RXRA: variants seen among roughly 807,000 people sequenced by gnomAD.
RXRA encodes retinoic acid receptor RXR-alpha.
In RXRA, 5 loss-of-function variants were observed where a neutral mutation model predicts 44.5. The ratio of observed to expected loss-of-function variants is 0.11; its 90% CI spans 0.06 to 0.24. The LOEUF (loss-of-function observed/expected upper bound fraction) is 0.24. Ranked by LOEUF, RXRA falls within the 10% of genes least tolerant of loss-of-function variation. The pLI is 1.00. For missense variants in RXRA, 412 were observed against 646.5 expected (o/e 0.64, Z 3.93); for synonymous variants, 291 against 271.4 (o/e 1.07, Z -0.71).
At chr9:134,367,006 G>A (rs1830422420) in intron 1 of RXRA, among the ~76,000 whole-genome samples, 1 of 152,168 alleles carries the variant, frequency 6.6e-6, no homozygotes, top group South Asian at 2.1e-4. Flanking sequence ...CCCAGCACCA[G>A]GCTTATTATC....
At position 134,426,901 on chromosome 9, in the gene RXRA, A is replaced by G. The variant is rs1369830640; in HGVS notation, c.911-2207A>G. The G allele has an allele frequency of 2.0e-6, 2 of 985,128 alleles. No individual in the cohort carries two copies. Among genetic ancestry groups the G allele is most frequent in the African/African-American group, 1.7e-5 (1 of 57,176 alleles). The allele number at this position is 985,128 out of a possible 1,614,324, so 61.0% of individuals were successfully genotyped here. On this transcript the variant is annotated intron_variant, in intron 6 of 9. Coordinates refer to ENST00000481739, the MANE Select transcript of RXRA (RefSeq NM_002957.6). The surrounding 1 kb of genome is among the most constrained non-coding windows in gnomAD (Gnocchi z 4.6). ...CTGTCCACACTGGGCCTGGTGTGGG[A>G]AGGGAGGGAGAGCCCTTTCCTAGGA...
chr9:134,388,436 C>T (rs926500081), intron 1 of RXRA, among the ~76,000 whole-genome samples: 2 of 152,206 alleles, frequency 1.3e-5, no homozygotes, highest in African/African-American at 4.8e-5. Context: ...TCTGCTCTCA[C>T]GCAGGAGTGG....
rs760589666 is a variant in RXRA, at chr9:134,436,479, C to G, written c.1254C>G (p.Leu418=). Residue 418 remains leucine (L), a synonymous_variant, in exon 10 of 10, where the codon CTC becomes CTG. Transcript: ENST00000481739. The stretch of plus-strand genomic sequence containing the variant: ...CTGTTCCCTGCAGGTTCGCTAAGCT[C>G]TTGCTCCGCCTGCCGGCTCTGCGCT... The part of the protein sequence containing the change: ...YPEQPGRFAK[L]LLRLPALRSI... 2.5e-6 allele frequency: 4 copies of G among 1,614,086 alleles called. No homozygotes were observed. The highest frequency in any genetic ancestry group is 2.5e-6 in the Non-Finnish European group (3 of 1,180,034).
intron 9 of RXRA, among the ~76,000 whole-genome samples, chr9:134,435,567 C>G (rs1054201330): frequency 6.6e-6 from 1 of 152,202 alleles, no homozygotes; most frequent in Non-Finnish European, 1.5e-5. Context: ...CAGCCCTGCA[C>G]AAGGTGCCGT....
intron 1 of RXRA, among the ~76,000 whole-genome samples, chr9:134,367,559 T>C (rs1164619903): frequency 1.3e-5 from 2 of 152,234 alleles, no homozygotes; most frequent in South Asian, 2.1e-4. Context: ...GGAGACAGGA[T>C]GTGAAACCCC....
chr9:134,406,767 G>T (rs1233932097), intron 2 of RXRA, among the ~76,000 whole-genome samples: 1 of 152,254 alleles, frequency 6.6e-6, no homozygotes, highest in Non-Finnish European at 1.5e-5. Context: ...ACCTCCCTGA[G>T]CCGCAGCCTC....
intron 1 of RXRA, among the ~76,000 whole-genome samples, chr9:134,372,713 C>T (rs904008065): frequency 1.3e-5 from 2 of 152,210 alleles, no homozygotes; most frequent in East Asian, 1.9e-4. Context: ...CTGTGAGACC[C>T]TGCTCTTCCC....
chr9:134,370,291 C>T (rs866975545), intron 1 of RXRA, among the ~76,000 whole-genome samples: 1 of 152,312 alleles, frequency 6.6e-6, no homozygotes, highest in East Asian at 1.9e-4. Flanking sequence ...AGTGTGACCT[C>T]GGGCAGGGCT....
rs762069924 is a variant in RXRA at position 134,431,908 on chromosome 9, G to T, written c.1047G>T (p.Val349=). 1 of 1,613,348 alleles carries T rather than the reference G, an allele frequency of 6.2e-7. No homozygotes were observed. The highest frequency in any genetic ancestry group is 8.5e-7 in the Non-Finnish European group (1 of 1,179,510). The change falls in exon 8 of 10, where the codon GTG becomes GTT. Residue 349 remains valine (V), a synonymous_variant. Coordinates refer to ENST00000481739, the MANE Select transcript of RXRA (RefSeq NM_002957.6). ...TGTCTGCCCTCCTCCTCTGCAGGGT[G>T]CTGACGGAGCTTGTGTCCAAGATGC... ...SAGVGAIFDR[V]LTELVSKMRD...
rs1453644582 is a variant in RXRA, at chr9:134,426,345, A to G, written c.911-2763A>G. 2 of 985,338 alleles carry G rather than the reference A, an allele frequency of 2.0e-6. No individual in the cohort carries two copies. Among genetic ancestry groups the G allele is most frequent in the Non-Finnish European group, 2.4e-6 (2 of 829,940 alleles). 61.0% of individuals were successfully genotyped at this position (985,338 alleles called of 1,614,324 possible). ...GGAAGGTGAAGACACCCCAAAGGTT[A>G]CTGTAAAGTGGGTTCCTCTCCTATT... On this transcript the variant is annotated intron_variant, in intron 6 of 9. Transcript: ENST00000481739. The surrounding 1 kb of genome is among the most constrained non-coding windows in gnomAD (Gnocchi z 4.6).
At chr9:134,345,733 T>G (rs77408372) in intron 1 of RXRA, among the ~76,000 whole-genome samples, 1 of 152,150 alleles carries the variant, frequency 6.6e-6, no homozygotes, top group Non-Finnish European at 1.5e-5. Context: ...CTGCTATATC[T>G]CCCCAGCCCC....
chr9:134,382,310 C>T (rs549006361), intron 1 of RXRA, among the ~76,000 whole-genome samples: 4 of 151,764 alleles, frequency 2.6e-5, no homozygotes, highest in African/African-American at 4.8e-5. Context: ...TGACTGGGCT[C>T]GGAGGGCTCT....
At chr9:134,400,812 G>C (rs538370396) in intron 1 of RXRA, among the ~76,000 whole-genome samples, 1 of 152,168 alleles carries the variant, frequency 6.6e-6, no homozygotes, top group Non-Finnish European at 1.5e-5. Flanking sequence ...ACACACCAAG[G>C]CCTTGCACAA....
chr9:134,339,072 G>A (rs912679669), intron 1 of RXRA, among the ~76,000 whole-genome samples: 3 of 152,148 alleles, frequency 2.0e-5, no homozygotes, highest in Non-Finnish European at 2.9e-5. Flanking sequence ...GTCGCCGGCC[G>A]TGTGCCTGGT....
At chr9:134,428,038 C>T in intron 6 of RXRA, among the ~76,000 whole-genome samples, 1 of 152,166 alleles carries the variant, frequency 6.6e-6, no homozygotes, top group East Asian at 1.9e-4. Flanking sequence ...GTCACCCGGT[C>T]TCCAGGAGCC....
intron 1 of RXRA, among the ~76,000 whole-genome samples, chr9:134,399,338 C>T (rs181093925): frequency 6.6e-6 from 1 of 152,346 alleles, no homozygotes; most frequent in Non-Finnish European, 1.5e-5. Context: ...CCTCAGTTTC[C>T]CTGTCTGTCA....
In RXRA at chr9:134,407,898, T is replaced by C. The variant is rs911170095; in HGVS notation, c.280-251T>C. Among the ~76,000 whole-genome samples the C allele has an allele frequency of 1.3e-5, 2 of 151,820 alleles. No individual in the cohort carries two copies. The highest frequency in any genetic ancestry group is 2.9e-5 in the Non-Finnish European group (2 of 67,916). On this transcript the variant is annotated intron_variant, in intron 2 of 9. Coordinates refer to ENST00000481739, the MANE Select transcript of RXRA (RefSeq NM_002957.6). This position sits in a 1 kb window ranked among gnomAD's most constrained non-coding sequence, Gnocchi z 4.8. The stretch of plus-strand genomic sequence containing the variant: ...GTTGGGGGGGGTGTTGAAGGTCCTT[T>C]TCCACAGAGGCCTGGGGTCTGCTGC...
Position 134,428,563 on chromosome 9 carries a change from C to T in RXRA, c.911-545C>T, listed in dbSNP as rs188439195. On this transcript the variant is annotated intron_variant, in intron 6 of 9. Coordinates refer to ENST00000481739, the MANE Select transcript of RXRA (RefSeq NM_002957.6). Reference sequence around the variant, plus strand: ...TGTTGAGGGGCTGCTGTTACCTAACCACCCGCCCCAGGGAACCCCCACTAT... The same window carrying T: ...TGTTGAGGGGCTGCTGTTACCTAACTACCCGCCCCAGGGAACCCCCACTAT... 8.2e-5 allele frequency among the ~76,000 whole-genome samples: 12 copies of T among 146,846 alleles called. 1 individual carries two copies. Among genetic ancestry groups the T allele is most frequent in the African/African-American group, 3.0e-4 (12 of 39,482 alleles).
chr9:134,359,383 C>T (rs892069264), intron 1 of RXRA, among the ~76,000 whole-genome samples: 1 of 152,148 alleles, frequency 6.6e-6, no homozygotes, highest in African/African-American at 2.4e-5. Context: ...TTAATGGCTG[C>T]AGGTGTGCCC....
Sources: gnomAD v4.1 joint callset for allele counts (sites outside exome capture counted in the v4.1 genomes callset) on GRCh38, gnomAD v4.1.1 for gene constraint, Gnocchi (gnomAD v3.1) non-coding constraint, MANE v1.5 for transcripts, NCBI Gene and HGNC (gene_info 2026-07-23, HGNC 2026-07-21) for gene names.